Variants in ATP1B2 observed in about 807,000 individuals in gnomAD.
ATP1B2 encodes the protein sodium/potassium-transporting ATPase subunit beta-2.
ATP1B2 carries 12 observed loss-of-function variants against 37.3 expected under a neutral mutation model. The ratio of observed to expected loss-of-function variants is 0.32; its 90% confidence interval spans 0.21 to 0.52. The LOEUF (loss-of-function observed/expected upper bound fraction) is 0.52, where lower values mean the gene tolerates loss of function less well. Among genes scored for constraint, ATP1B2 ranks in the 20% least tolerant of loss-of-function variants. The pLI is 0.96. For synonymous variants in ATP1B2, 139 were observed against 140.5 expected (o/e 0.99, Z 0.07); for missense variants, 324 against 391.6 (o/e 0.83, Z 1.46).
At chr17:7,649,898 G>A (rs896320649), upstream of ATP1B2, among the ~76,000 whole-genome samples, 13 of 151,812 alleles carry the variant, frequency 8.6e-5, no homozygotes, top group East Asian at 1.9e-3. Flanking sequence ...TTCACCATGT[G>A]GGCAAGGCTA....
Position 7,654,952 on chromosome 17 carries a change from T to C in ATP1B2, c.609+268T>C. 1 of 484,204 alleles carries C rather than the reference T, an allele frequency of 2.1e-6. No homozygotes were observed. The highest frequency in any genetic ancestry group is 2.7e-5 in the South Asian group (1 of 36,742). 30.0% of individuals were successfully genotyped at this position (484,204 alleles called of 1,614,324 possible). ...GCCCTCCTCCACCAACGCCCTGGCC[T>C]CTGGCTTCTCTCCCTAACGCTTCCA... is the stretch of plus-strand genomic sequence containing the variant. On this transcript the variant is annotated intron_variant, in intron 5 of 6. Transcript: ENST00000250111. This position sits in a 1 kb window ranked among gnomAD's most constrained non-coding sequence, Gnocchi z 4.9.
chr17:7,653,138 C>T (rs756124706), intron 1 of ATP1B2, among the ~76,000 whole-genome samples: 10 of 152,162 alleles, frequency 6.6e-5, no homozygotes, highest in Admixed American at 2.0e-4. Context: ...TCCACAAGGT[C>T]GGGCTTCACT....
rs1036560703 is a variant in ATP1B2 at position 7,657,544 on chromosome 17, CTTT to C, written c.*1654_*1656del. The C allele has an allele frequency of 6.6e-6, 1 of 152,170 alleles. No individual in the cohort carries two copies. The highest frequency in any genetic ancestry group is 1.5e-5 in the Non-Finnish European group (1 of 67,998). 9.4% of individuals were successfully genotyped at this position (152,170 alleles called of 1,614,324 possible). A position where few individuals can be genotyped will look rare whatever the true frequency, so the allele number is the denominator to read the frequency against. ...CCTCATCCTCTCTAACCTCCTTTTT[CTTT>C]TTTTAATGCTGCAGCCTCCACACTC... On this transcript the variant is annotated 3_prime_UTR_variant, in exon 7 of 7. Transcript: ENST00000250111.
chr17:7,653,992 G>T, intron 3 of ATP1B2, 47 bp downstream of exon 3: 1 of 1,613,134 alleles, frequency 6.2e-7, no homozygotes, highest in South Asian at 1.1e-5. Flanking sequence ...TCGGGCAGGG[G>T]ACTGGGGACC....
rs751226790 is a variant in ATP1B2 at position 7,653,467 on chromosome 17, A to T, written c.206A>T (p.His69Leu). 1.9e-6 allele frequency: 3 copies of T among 1,614,046 alleles called. No homozygotes were observed. The highest frequency in any genetic ancestry group is 2.5e-6 in the Non-Finnish European group (3 of 1,179,996). The change falls in exon 2 of 7, where the codon CAT (histidine) becomes CTT (leucine). Residue 69 changes from histidine to leucine, a missense_variant. By Grantham distance (99) the His-to-Leu change is moderately conservative. Transcript: ENST00000250111. ...MWVMLQTVSD[H>L]TPKYQDRLAT... is the part of the protein sequence containing the mutation. ...GTGATGCTGCAGACTGTCTCCGACC[A>T]TACCCCCAAGTACCAGGACCGACTG...
upstream of ATP1B2, among the ~76,000 whole-genome samples, chr17:7,649,466 C>G (rs912745754): frequency 1.1e-4 from 17 of 151,964 alleles, no homozygotes; most frequent in African/African-American, 3.9e-4. Context: ...CAGCTCACTG[C>G]AAGCTCCGCC....
chr17:7,651,755 C>A, intron 1 of ATP1B2, 125 bp downstream of exon 1: 1 of 834,098 alleles, frequency 1.2e-6, no homozygotes, highest in Non-Finnish European at 1.8e-6. Flanking sequence ...CCCTGCCGGG[C>A]TCTGGGCTGG....
chr17:7,654,766 T>A lies in ATP1B2; in HGVS notation c.609+82T>A. 1 of 1,489,630 alleles carries A rather than the reference T, an allele frequency of 6.7e-7. No homozygotes were observed. Among genetic ancestry groups the A allele is most frequent in the Non-Finnish European group, 9.4e-7 (1 of 1,067,910 alleles). The allele number at this position is 1,489,630 out of a possible 1,614,324, so 92.3% of individuals were successfully genotyped here. On this transcript the variant is annotated intron_variant, in intron 5 of 6. Coordinates refer to ENST00000250111, the MANE Select transcript of ATP1B2 (RefSeq NM_001678.5). The surrounding 1 kb of genome is among the most constrained non-coding windows in gnomAD (Gnocchi z 4.9). ...TCATGGTTTCTGTGTAATTCACCTG[T>A]CTCTCCCTATCTTCTTTGCTCCTAG...
chr17:7,656,755 C>G lies in ATP1B2; in HGVS notation c.*860C>G, dbSNP rs529196963. ...CACTGCAACTTCCGCATCCCAGGTT[C>G]AAGCGATTCTCCCGCCTCAGGTTCC... On this transcript the variant is annotated 3_prime_UTR_variant, in exon 7 of 7. Coordinates refer to ENST00000250111, the MANE Select transcript of ATP1B2 (RefSeq NM_001678.5). The G allele has an allele frequency of 3.4e-4, 51 of 152,172 alleles. No homozygotes were observed. Among genetic ancestry groups the G allele is most frequent in the African/African-American group, 1.1e-3 (47 of 41,512 alleles). 9.4% of individuals were successfully genotyped at this position (152,172 alleles called of 1,614,324 possible). A position where few individuals can be genotyped will look rare whatever the true frequency, so the allele number is the denominator to read the frequency against.
In ATP1B2 at chr17:7,651,587, C is replaced by T. The variant is rs2072613190; in HGVS notation, c.69C>T (p.Asn23=). 1 of 1,607,542 alleles carries T rather than the reference C, an allele frequency of 6.2e-7. No individual in the cohort carries two copies. Among genetic ancestry groups the T allele is most frequent in the East Asian group, 2.2e-5 (1 of 44,518 alleles). ...AGGAGTGGAAGGAGTTCGTGTGGAA[C>T]CCGAGGACGCACCAGTTTATGGGCC... ...VVEEWKEFVW[N]PRTHQFMGRT... is the part of the protein sequence containing the mutation. The change falls in exon 1 of 7, where the codon AAC becomes AAT. Residue 23 remains asparagine, a synonymous_variant. Coordinates refer to ENST00000250111, the MANE Select transcript of ATP1B2 (RefSeq NM_001678.5).
Position 7,655,838 on chromosome 17 carries a change from T to A in ATP1B2, c.816T>A (p.Asp272Glu). The change falls in exon 7 of 7, where the codon GAT (aspartate) becomes GAA (glutamate). Residue 272 changes from aspartate to glutamate, a missense_variant. Transcript: ENST00000250111. This position sits in a 1 kb window ranked among gnomAD's most constrained non-coding sequence, Gnocchi z 4.4. ...RINAANIATD[D>E]ERDKFAGRVA... ...ACGCCGCCAACATCGCCACAGACGA[T>A]GAGCGAGACAAGTTCGCCGGCCGCG... 6.2e-7 allele frequency: 1 copy of A among 1,614,150 alleles called. No individual in the cohort carries two copies. The highest frequency in any genetic ancestry group is 8.5e-7 in the Non-Finnish European group (1 of 1,180,038).
upstream of ATP1B2, among the ~76,000 whole-genome samples, chr17:7,647,905 G>A (rs2072584774): frequency 6.6e-6 from 1 of 151,924 alleles, no homozygotes; most frequent in Non-Finnish European, 1.5e-5. Context: ...TGTGCCTGCA[G>A]CCCCAACTAC....
chr17:7,653,359 T>C lies in ATP1B2; in HGVS notation c.113-15T>C, dbSNP rs754376564. 2 of 1,613,750 alleles carry C rather than the reference T, an allele frequency of 1.2e-6. No homozygotes were observed. The highest frequency in any genetic ancestry group is 2.7e-5 in the African/African-American group (2 of 74,876). ...GGAACCTTGGGCCCTGCTGACCCTG[T>C]TTCCTCCTCCCTAGCCTTTATCCTC... On this transcript the variant is annotated splice_polypyrimidine_tract_variant and intron_variant, in intron 1 of 6. Transcript: ENST00000250111.
intron 2 of ATP1B2, 76 bp from the exon 3 acceptor site, chr17:7,653,765 T>C: frequency 6.9e-7 from 1 of 1,450,338 alleles, no homozygotes; most frequent in South Asian, 1.2e-5. Flanking sequence ...TGGTGTTCCC[T>C]GTGTCCATTT....
At chr17:7,652,700 C>A (rs2072622012) in intron 1 of ATP1B2, among the ~76,000 whole-genome samples, 1 of 152,134 alleles carries the variant, frequency 6.6e-6, no homozygotes, top group South Asian at 2.1e-4. Context: ...GTCCTTACTT[C>A]AGGCGGGGGA....
chr17:7,651,759 G>C, intron 1 of ATP1B2, 129 bp downstream of exon 1: 3 of 766,244 alleles, frequency 3.9e-6, no homozygotes, highest in Non-Finnish European at 5.9e-6. Flanking sequence ...GCCGGGCTCT[G>C]GGCTGGGAGG....
chr17:7,654,558 A>C lies in ATP1B2; in HGVS notation c.553-70A>C. The C allele has an allele frequency of 6.5e-7, 1 of 1,527,724 alleles. No individual in the cohort carries two copies. The highest frequency in any genetic ancestry group is 9.1e-7 in the Non-Finnish European group (1 of 1,101,748). 94.6% of individuals were successfully genotyped at this position (1,527,724 alleles called of 1,614,324 possible). A position where few individuals can be genotyped will look rare whatever the true frequency, so the allele number is the denominator to read the frequency against. ...TAGTTGGGACTACAGTCCCCGGCTT[A>C]GCTTGGTCTGGATGCCCATCTTCGA... On this transcript the variant is annotated intron_variant, in intron 4 of 6. Transcript: ENST00000250111. This position sits in a 1 kb window ranked among gnomAD's most constrained non-coding sequence, Gnocchi z 4.9.
At position 7,655,191 on chromosome 17, in the gene ATP1B2, T is replaced by A; in HGVS notation, c.610-336T>A. The A allele has an allele frequency of 2.5e-6, 1 of 394,308 alleles. No individual in the cohort carries two copies. Among genetic ancestry groups the A allele is most frequent in the Non-Finnish European group, 4.6e-6 (1 of 216,406 alleles). 24.4% of individuals were successfully genotyped at this position (394,308 alleles called of 1,614,324 possible). A position where few individuals can be genotyped will look rare whatever the true frequency, so the allele number is the denominator to read the frequency against. On this transcript the variant is annotated intron_variant, in intron 5 of 6. Transcript: ENST00000250111. This position sits in a 1 kb window ranked among gnomAD's most constrained non-coding sequence, Gnocchi z 4.4. Reference sequence around the variant, plus strand: ...TCCACATCCCCTTCCTTGCTTCCTATTCAACCCTTAATCATGTATCTCTTC... The same window carrying A: ...TCCACATCCCCTTCCTTGCTTCCTAATCAACCCTTAATCATGTATCTCTTC...
chr17:7,656,207 A>G lies in ATP1B2; in HGVS notation c.*312A>G. On this transcript the variant is annotated 3_prime_UTR_variant, in exon 7 of 7. Coordinates refer to ENST00000250111, the MANE Select transcript of ATP1B2 (RefSeq NM_001678.5). ...GAGAGCTATCCACTCTCCTGCCTGC[A>G]TATCCCCTGAGAGTTATAGGAAGTG... The G allele has an allele frequency of 5.2e-6, 2 of 384,088 alleles. No individual in the cohort carries two copies. Among genetic ancestry groups the G allele is most frequent in the Non-Finnish European group, 4.9e-6 (1 of 205,740 alleles). 23.8% of individuals were successfully genotyped at this position (384,088 alleles called of 1,614,324 possible).
Sources: allele counts gnomAD v4.1 joint callset (sites outside exome capture counted in the v4.1 genomes callset), GRCh38; gene constraint gnomAD v4.1.1; non-coding constraint Gnocchi (gnomAD v3.1); transcripts MANE v1.5; gene names NCBI Gene and HGNC (gene_info 2026-07-23, HGNC 2026-07-21).